The following CAV1 variants were observed in gnomAD, a reference collection of about 807,000 sequenced individuals.
CAV1 encodes caveolin-1.
In CAV1, 10 loss-of-function variants were observed where a neutral mutation model predicts 16.5. The observed-to-expected ratio is 0.61, with a 90% CI of 0.37 to 1.03. The LOEUF is 1.03. Ranked by LOEUF, CAV1 falls within the 50% of genes least tolerant of loss-of-function variation. The probability of loss-of-function intolerance (pLI) is 0.01; values close to 1 mark genes in which losing one functional copy is unlikely to be tolerated. For synonymous variants in CAV1, 76 were observed against 85.1 expected (o/e 0.89, Z 0.59); for missense variants, 212 against 232.8 (o/e 0.91, Z 0.58).
chr7:116,554,464 A>G (rs539618599), intron 2 of CAV1, among the ~76,000 whole-genome samples: 9 of 152,336 alleles, frequency 5.9e-5, no homozygotes, highest in Non-Finnish European at 1.2e-4. Flanking sequence ...GAGGAGAATG[A>G]TGTAACTTCC....
At position 116,559,779 on chromosome 7, in the gene CAV1, C is replaced by T. The variant is rs1223374720; in HGVS notation, c.*492C>T. ...CACTGTTTAAGGAGTTAGTGGATTA[C>T]TGCCATTCACTTCATAATCCAGTAG... On this transcript the variant is annotated 3_prime_UTR_variant, in exon 3 of 3. Coordinates refer to ENST00000341049, the MANE Select transcript of CAV1 (RefSeq NM_001753.5). The T allele has an allele frequency of 2.4e-6, 1 of 417,200 alleles. No individual in the cohort carries two copies. Among genetic ancestry groups the T allele is most frequent in the East Asian group, 3.5e-5 (1 of 28,900 alleles). The allele number at this position is 417,200 out of a possible 1,614,324, so 25.8% of individuals were successfully genotyped here.
intron 1 of CAV1, chr7:116,525,392 G>C: frequency 6.6e-7 from 1 of 1,509,036 alleles, no homozygotes; most frequent in Non-Finnish European, 8.9e-7. Flanking sequence ...TTTTCTGGAT[G>C]GGTCTAGGAT....
Position 116,559,751 on chromosome 7 carries a change from TC to T in CAV1, c.*467del, listed in dbSNP as rs1283800891. On this transcript the variant is annotated 3_prime_UTR_variant, in exon 3 of 3. Coordinates refer to ENST00000341049, the MANE Select transcript of CAV1 (RefSeq NM_001753.5). Reference sequence around the variant, plus strand: ...TGGGCAGATTTTCAGCAAACTCTTTTCCCACTGTTTAAGGAGTTAGTGGATT... The same window carrying T: ...TGGGCAGATTTTCAGCAAACTCTTTTCCACTGTTTAAGGAGTTAGTGGATT... The T allele has an allele frequency of 2.3e-6, 1 of 434,784 alleles. No homozygotes were observed. The highest frequency in any genetic ancestry group is 4.0e-6 in the Non-Finnish European group (1 of 248,854). 26.9% of individuals were successfully genotyped at this position (434,784 alleles called of 1,614,324 possible). A position where few individuals can be genotyped will look rare whatever the true frequency, so the allele number is the denominator to read the frequency against.
intron 2 of CAV1, among the ~76,000 whole-genome samples, chr7:116,529,298 G>GCTTTTAGGAAAA (rs1793636057): frequency 6.6e-6 from 1 of 152,166 alleles, no homozygotes; most frequent in Non-Finnish European, 1.5e-5. Context: ...AGGAAAAGTT[G>GCTTTTAGGAAAA]GTCCTAAAAG....
At chr7:116,557,788 C>T (rs931299044) in intron 2 of CAV1, among the ~76,000 whole-genome samples, 1 of 152,086 alleles carries the variant, frequency 6.6e-6, no homozygotes, top group Non-Finnish European at 1.5e-5. Flanking sequence ...GTCTCCCTGC[C>T]TTGAGTCTCT....
intron 1 of CAV1, 24 bp downstream of exon 1, chr7:116,525,116 G>T (rs200026328): frequency 1.9e-6 from 3 of 1,614,198 alleles, no homozygotes; most frequent in Non-Finnish European, 2.5e-6. Flanking sequence ...GGGGGGCGCC[G>T]GCTCGGGCGT....
At chr7:116,553,785 G>C (rs1469763769) in intron 2 of CAV1, among the ~76,000 whole-genome samples, 1 of 152,162 alleles carries the variant, frequency 6.6e-6, no homozygotes, top group South Asian at 2.1e-4. Context: ...GTTTCAATGA[G>C]AGATAAATCA....
intron 2 of CAV1, 181 bp downstream of exon 2, chr7:116,526,870 G>A (rs142780267): frequency 1.5e-6 from 1 of 669,038 alleles, no homozygotes; most frequent in Non-Finnish European, 2.7e-6. Flanking sequence ...CGGCAGAAAC[G>A]TTACATCTCC....
At chr7:116,548,026 C>T (rs1379646083) in intron 2 of CAV1, among the ~76,000 whole-genome samples, 1 of 152,158 alleles carries the variant, frequency 6.6e-6, no homozygotes, top group Non-Finnish European at 1.5e-5. Context: ...TTATCACACT[C>T]ACTCACATCT....
chr7:116,538,131 T>C (rs1793862975), intron 2 of CAV1, among the ~76,000 whole-genome samples: 1 of 152,292 alleles, frequency 6.6e-6, no homozygotes, highest in South Asian at 2.1e-4. Flanking sequence ...TCAATTTGCC[T>C]GCTCAATTTC....
chr7:116,555,504 GAA>G (rs1326783011), intron 2 of CAV1, among the ~76,000 whole-genome samples: 1 of 6,024 alleles, frequency 1.7e-4, no homozygotes, highest in South Asian at 0.022. Flanking sequence ...AAGAAAGAAA[GAA>G]AGAAAGAAAG....
At chr7:116,531,231 C>T (rs1412203465) in intron 2 of CAV1, among the ~76,000 whole-genome samples, 2 of 152,188 alleles carry the variant, frequency 1.3e-5, no homozygotes, top group African/African-American at 4.8e-5. Context: ...TCACCATGGA[C>T]TATTGTCATG....
intron 2 of CAV1, among the ~76,000 whole-genome samples, chr7:116,557,486 C>A (rs1225048690): frequency 6.6e-6 from 1 of 152,206 alleles, no homozygotes; most frequent in Non-Finnish European, 1.5e-5. Context: ...TGCACTGGCT[C>A]TGTCCTACCT....
At chr7:116,532,278 G>A (rs1210520030) in intron 2 of CAV1, among the ~76,000 whole-genome samples, 1 of 152,168 alleles carries the variant, frequency 6.6e-6, no homozygotes, top group Non-Finnish European at 1.5e-5. Flanking sequence ...ACCTGTTTAT[G>A]TATCCTGCCC....
chr7:116,551,518 C>G (rs987514440), intron 2 of CAV1, among the ~76,000 whole-genome samples: 1 of 152,196 alleles, frequency 6.6e-6, no homozygotes, highest in Admixed American at 6.5e-5. Context: ...ATCTGATAGA[C>G]ATTCATTGCA....
chr7:116,555,898 C>T (rs868206781), intron 2 of CAV1, among the ~76,000 whole-genome samples: 1 of 152,262 alleles, frequency 6.6e-6, no homozygotes, highest in Middle Eastern at 3.4e-3. Context: ...TGCCTTGCTT[C>T]CTTTTTCAGT....
intron 2 of CAV1, among the ~76,000 whole-genome samples, chr7:116,536,286 C>A (rs1793811861): frequency 6.7e-6 from 1 of 149,626 alleles, no homozygotes; most frequent in Non-Finnish European, 1.5e-5. Context: ...CTCCCAACAA[C>A]CATTTATGTG....
chr7:116,526,234 C>A (rs1235829774), intron 1 of CAV1: 3 of 1,080,542 alleles, frequency 2.8e-6, no homozygotes, highest in Non-Finnish European at 3.4e-6. Flanking sequence ...GCCTTCGGAC[C>A]GCGCGGCGGG....
In CAV1 at chr7:116,561,173, G is replaced by A. The variant is rs560268745; in HGVS notation, c.*1886G>A. 3 of 152,400 alleles carry A rather than the reference G, an allele frequency of 2.0e-5. No individual in the cohort carries two copies. The East Asian group carries it at 5.8e-4, about 29-fold the overall frequency. 9.4% of individuals were successfully genotyped at this position (152,400 alleles called of 1,614,324 possible). On this transcript the variant is annotated 3_prime_UTR_variant, in exon 3 of 3. Coordinates refer to ENST00000341049, the MANE Select transcript of CAV1 (RefSeq NM_001753.5). ...AGCCTGCACAATAAAAATGTTTAAC[G>A]GTTAAACAGTCAGCTTTATTATTTT...
Sources: gnomAD v4.1 joint callset for allele counts (sites outside exome capture counted in the v4.1 genomes callset) on GRCh38, gnomAD v4.1.1 for gene constraint, MANE v1.5 for transcripts, NCBI Gene and HGNC (gene_info 2026-07-23, HGNC 2026-07-21) for gene names.